SLC25A36: variants seen among roughly 807,000 people sequenced by gnomAD.
SLC25A36 encodes the protein solute carrier family 25 member 36.
SLC25A36 carries 24 observed loss-of-function variants against 35.3 expected under a neutral mutation model. The ratio of observed to expected loss-of-function variants is 0.68; its 90% CI spans 0.49 to 0.96. SLC25A36 has a LOEUF of 0.96. Among genes scored for constraint, SLC25A36 ranks in the 40% least tolerant of loss-of-function variants. The pLI, the probability that SLC25A36 is intolerant of heterozygous loss-of-function variation, is 0.00. For missense variants in SLC25A36, 294 were observed against 381.1 expected, an observed-to-expected ratio of 0.77 and a Z score of 1.90; for synonymous variants, 141 against 132.2, an observed-to-expected ratio of 1.07 and a Z score of -0.46.
At chr3:140,964,245 G>A (rs1000706905) in intron 4 of SLC25A36, 12 of 151,886 alleles carry the variant, frequency 7.9e-5, no homozygotes, top group Admixed American at 4.6e-4. Context: ...AAGGTCAATA[G>A]CCCTTATCGT....
At position 140,941,850 on chromosome 3, in the gene SLC25A36, G is replaced by A. The variant is rs1486923188; in HGVS notation, c.-205G>A. 3.9e-6 allele frequency: 2 copies of A among 510,612 alleles called. No individual in the cohort carries two copies. Among genetic ancestry groups the A allele is most frequent in the African/African-American group, 2.0e-5 (1 of 48,866 alleles). 31.6% of individuals were successfully genotyped at this position (510,612 alleles called of 1,614,324 possible). On this transcript the variant is annotated 5_prime_UTR_variant, in exon 1 of 7. Coordinates refer to ENST00000324194, the MANE Select transcript of SLC25A36 (RefSeq NM_001104647.3). ...GCGTCGCTTTCAGCCTCTGGTGAAG[G>A]GCGGCGCGCTTAGGCAGGCGGTGGC...
At chr3:140,953,409 A>T (rs1934382367) in intron 1 of SLC25A36, among the ~76,000 whole-genome samples, 1 of 150,222 alleles carries the variant, frequency 6.7e-6, no homozygotes, top group East Asian at 2.0e-4. Flanking sequence ...GGGGGGGGTT[A>T]AATTTTTTCA....
intron 5 of SLC25A36, among the ~76,000 whole-genome samples, chr3:140,971,334 G>A (rs974077416): frequency 6.6e-6 from 1 of 152,120 alleles, no homozygotes; most frequent in Admixed American, 6.6e-5. Context: ...CCTCGCAGAA[G>A]CTAAGTAAGC....
chr3:140,944,664 G>C (rs909240240), intron 1 of SLC25A36, among the ~76,000 whole-genome samples: 1 of 151,994 alleles, frequency 6.6e-6, no homozygotes, highest in African/African-American at 2.4e-5. Context: ...TCAAATAGGA[G>C]CTATATACCT....
At chr3:140,942,277 GC>G (rs766421944) in intron 1 of SLC25A36, among the ~76,000 whole-genome samples, 182 bp downstream of exon 1, 1 of 141,702 alleles carries the variant, frequency 7.1e-6, no homozygotes, top group Non-Finnish European at 1.6e-5. Flanking sequence ...GGTGAGGGGG[GC>G]TCCGGTTCGG....
chr3:140,954,848 A>AGG (rs1198688632), intron 1 of SLC25A36, among the ~76,000 whole-genome samples: 3 of 152,066 alleles, frequency 2.0e-5, no homozygotes, highest in African/African-American at 4.8e-5. Context: ...GATAAGGTCC[A>AGG]GTTTTTCAGT....
intron 1 of SLC25A36, among the ~76,000 whole-genome samples, chr3:140,944,075 A>G (rs1663896459): frequency 6.6e-6 from 1 of 152,090 alleles, no homozygotes; most frequent in Non-Finnish European, 1.5e-5. Flanking sequence ...TCTTGATTTT[A>G]TTTTTATATG....
chr3:140,948,526 T>C (rs1934229806), intron 1 of SLC25A36, among the ~76,000 whole-genome samples: 2 of 152,164 alleles, frequency 1.3e-5, no homozygotes, highest in South Asian at 2.1e-4. Flanking sequence ...AAGTAGAGTA[T>C]CACTGTAGGC....
At chr3:140,970,442 A>G (rs970723817) in intron 4 of SLC25A36, 1 of 152,678 alleles carries the variant, frequency 6.5e-6, no homozygotes, top group Non-Finnish European at 1.5e-5. Context: ...TCCACTATAT[A>G]ATCAACTAAA....
intron 1 of SLC25A36, among the ~76,000 whole-genome samples, chr3:140,945,971 G>A (rs1461540029): frequency 1.3e-5 from 2 of 152,074 alleles, no homozygotes; most frequent in African/African-American, 4.8e-5. Context: ...AAGTCATTCA[G>A]ATTTTAAAAT....
At chr3:140,948,728 G>A (rs965442036) in intron 1 of SLC25A36, among the ~76,000 whole-genome samples, 1 of 152,066 alleles carries the variant, frequency 6.6e-6, no homozygotes, top group Non-Finnish European at 1.5e-5. Flanking sequence ...ATCCATACAC[G>A]CTCAAGAGGT....
At chr3:140,943,315 T>C (rs2107774329) in intron 1 of SLC25A36, among the ~76,000 whole-genome samples, 1 of 152,328 alleles carries the variant, frequency 6.6e-6, no homozygotes, top group South Asian at 2.1e-4. Context: ...TGGACTCTAT[T>C]GAGCCAGTGA....
At chr3:140,950,079 T>G (rs1392426509) in intron 1 of SLC25A36, among the ~76,000 whole-genome samples, 1 of 152,190 alleles carries the variant, frequency 6.6e-6, no homozygotes, top group African/African-American at 2.4e-5. Context: ...CTCTCTTGTT[T>G]CCTTTTTCTT....
intron 4 of SLC25A36, among the ~76,000 whole-genome samples, chr3:140,969,120 A>G (rs1934837809): frequency 6.6e-6 from 1 of 151,806 alleles, no homozygotes; most frequent in Admixed American, 6.6e-5. Context: ...TTGATGTCTG[A>G]TTGCTTTAAA....
At chr3:140,943,930 A>G (rs1256421034) in intron 1 of SLC25A36, among the ~76,000 whole-genome samples, 1 of 152,142 alleles carries the variant, frequency 6.6e-6, no homozygotes, top group Non-Finnish European at 1.5e-5. Flanking sequence ...GTAGCATCTA[A>G]ACACACAGAT....
At chr3:140,943,766 G>T (rs1934087023) in intron 1 of SLC25A36, among the ~76,000 whole-genome samples, 1 of 152,194 alleles carries the variant, frequency 6.6e-6, no homozygotes. Flanking sequence ...CAGGATTCAT[G>T]TATCAAGTTT....
At chr3:140,942,355 C>A in intron 1 of SLC25A36, 1 of 370,448 alleles carries the variant, frequency 2.7e-6, no homozygotes, top group East Asian at 4.3e-5. Flanking sequence ...AGGGTTGAGG[C>A]ATGAAACCCG....
In SLC25A36 at chr3:140,978,352, A is replaced by C. The variant is rs1935104581; in HGVS notation, c.*1899A>C. On this transcript the variant is annotated 3_prime_UTR_variant, in exon 7 of 7. Coordinates refer to ENST00000324194, the MANE Select transcript of SLC25A36 (RefSeq NM_001104647.3). ...CCGGTTTGTAACAAATCTGTAGAGA[A>C]GGTCTGAATCTATCGTGTTTGCCTT... is the stretch of plus-strand genomic sequence containing the variant. The C allele has an allele frequency of 6.6e-6, 1 of 152,208 alleles. No homozygotes were observed. The highest frequency in any genetic ancestry group is 1.5e-5 in the Non-Finnish European group (1 of 68,028). 9.4% of individuals were successfully genotyped at this position (152,208 alleles called of 1,614,324 possible).
chr3:140,970,170 T>C (rs549564643), intron 4 of SLC25A36, among the ~76,000 whole-genome samples: 2 of 152,074 alleles, frequency 1.3e-5, no homozygotes, highest in Admixed American at 1.3e-4. Context: ...TGACCACCAT[T>C]CTGCACCAAT....
Sources: gnomAD v4.1 joint callset for allele counts (sites outside exome capture counted in the v4.1 genomes callset) on GRCh38, gnomAD v4.1.1 for gene constraint, MANE v1.5 for transcripts, NCBI Gene and HGNC (gene_info 2026-07-23, HGNC 2026-07-21) for gene names.